NDUFS4: variants seen among roughly 807,000 people sequenced by gnomAD.
NDUFS4 encodes the protein NADH dehydrogenase [ubiquinone] iron-sulfur protein 4, mitochondrial.
A neutral mutation model predicts 24.3 loss-of-function variants in NDUFS4; 28 were observed. The observed-to-expected ratio is 1.15, with a 90% CI of 0.85 to 1.58. The LOEUF is 1.58. Among genes scored for constraint, NDUFS4 ranks in the 40% most tolerant of loss-of-function variants. The pLI is 0.00. For missense variants in NDUFS4, 223 were observed against 207.9 expected, an observed-to-expected ratio of 1.07 and a Z score of -0.45; for synonymous variants, 93 against 69.7, an observed-to-expected ratio of 1.34 and a Z score of -1.67.
chr5:53,649,453 A>G (rs752823662), intron 3 of NDUFS4, among the ~76,000 whole-genome samples: 3 of 152,130 alleles, frequency 2.0e-5, no homozygotes, highest in South Asian at 2.1e-4. Flanking sequence ...GAGAACATGC[A>G]GTCTTTGATT....
chr5:53,607,350 A>G (rs974006739), intron 2 of NDUFS4, among the ~76,000 whole-genome samples: 3 of 152,204 alleles, frequency 2.0e-5, no homozygotes, highest in Non-Finnish European at 4.4e-5. Context: ...AAATTCTAAC[A>G]TTGTGTACTA....
intron 1 of NDUFS4, among the ~76,000 whole-genome samples, chr5:53,572,869 C>A (rs1749256759): frequency 1.3e-5 from 2 of 151,774 alleles, no homozygotes; most frequent in Admixed American, 1.3e-4. Context: ...TGGTCTCGAA[C>A]TCCCGACCTC....
chr5:53,666,875 A>G (rs1296261763), intron 4 of NDUFS4, among the ~76,000 whole-genome samples: 1 of 152,148 alleles, frequency 6.6e-6, no homozygotes, highest in African/African-American at 2.4e-5. Flanking sequence ...TGGAGGTTGC[A>G]GTGAGCTGAG....
At chr5:53,628,379 G>T (rs1260056320) in intron 2 of NDUFS4, among the ~76,000 whole-genome samples, 1 of 152,142 alleles carries the variant, frequency 6.6e-6, no homozygotes, top group Non-Finnish European at 1.5e-5. Flanking sequence ...TTGGTATCAG[G>T]ATGATACTGG....
chr5:53,591,287 A>G (rs1439854425), intron 1 of NDUFS4, among the ~76,000 whole-genome samples: 1 of 152,166 alleles, frequency 6.6e-6, no homozygotes, highest in Non-Finnish European at 1.5e-5. Flanking sequence ...GTCTGAATAT[A>G]AATCCCAAAG....
intron 3 of NDUFS4, among the ~76,000 whole-genome samples, chr5:53,657,061 GATA>G (rs1249553901): frequency 6.6e-6 from 1 of 152,054 alleles, no homozygotes; most frequent in African/African-American, 2.4e-5. Flanking sequence ...ATAAAGTGAG[GATA>G]ATAATAAAGG....
intron 4 of NDUFS4, among the ~76,000 whole-genome samples, chr5:53,660,725 T>G (rs1454086838): frequency 2.0e-5 from 3 of 152,228 alleles, no homozygotes; most frequent in Non-Finnish European, 4.4e-5. Flanking sequence ...CATTGTGGTT[T>G]TAATTTGCAT....
At chr5:53,677,008 A>T (rs74678717) in intron 4 of NDUFS4, among the ~76,000 whole-genome samples, 1 of 152,280 alleles carries the variant, frequency 6.6e-6, no homozygotes, top group East Asian at 1.9e-4. Flanking sequence ...GAGACTCCCT[A>T]TGAGTAGCTT....
chr5:53,589,038 A>G (rs1373789804), intron 1 of NDUFS4, among the ~76,000 whole-genome samples: 1 of 152,138 alleles, frequency 6.6e-6, no homozygotes, highest in African/African-American at 2.4e-5. Flanking sequence ...GCATTAGAGC[A>G]GTTGTGAAGC....
chr5:53,575,150 A>G (rs1275163398), intron 1 of NDUFS4, among the ~76,000 whole-genome samples: 1 of 152,170 alleles, frequency 6.6e-6, no homozygotes, highest in Non-Finnish European at 1.5e-5. Flanking sequence ...TTGCTCCTTG[A>G]GGCCGAGTGC....
intron 4 of NDUFS4, among the ~76,000 whole-genome samples, chr5:53,676,070 T>A (rs150827683): frequency 6.6e-6 from 1 of 152,316 alleles, no homozygotes; most frequent in African/African-American, 2.4e-5. Context: ...ATTGAAGGAT[T>A]TTACTCATCT....
rs551048681 is a variant in NDUFS4, at chr5:53,638,007, G to A, written c.178-8226G>A. ...GGCCGTGGTTAAAAGTCTGATGAGC[G>A]TTCATTATTATAATGATGCAGTTGG... is the stretch of plus-strand genomic sequence containing the variant. On this transcript the variant is annotated intron_variant, in intron 2 of 4. Coordinates refer to ENST00000296684, the MANE Select transcript of NDUFS4 (RefSeq NM_002495.4). 2.6e-5 allele frequency among the ~76,000 whole-genome samples: 4 copies of A among 152,134 alleles called. No individual in the cohort carries two copies. In the South Asian group the frequency reaches 6.2e-4, roughly 24 times the overall value.
chr5:53,644,867 A>G (rs541555017), intron 2 of NDUFS4, among the ~76,000 whole-genome samples: 45 of 152,146 alleles, frequency 3.0e-4, no homozygotes, highest in Non-Finnish European at 5.4e-4. Flanking sequence ...ATTGGTTGCC[A>G]ACTAAAATAA....
At chr5:53,587,157 C>G (rs1749786773) in intron 1 of NDUFS4, among the ~76,000 whole-genome samples, 1 of 152,020 alleles carries the variant, frequency 6.6e-6, no homozygotes, top group Non-Finnish European at 1.5e-5. Context: ...TTCTAAGAGT[C>G]TCCTTCTCTA....
chr5:53,665,876 C>T (rs975326135), intron 4 of NDUFS4, among the ~76,000 whole-genome samples: 5 of 152,226 alleles, frequency 3.3e-5, no homozygotes, highest in Non-Finnish European at 5.9e-5. Context: ...GAACCCGGTA[C>T]CTCAGTTGGA....
chr5:53,628,374 A>G (rs1029897196), intron 2 of NDUFS4, among the ~76,000 whole-genome samples: 4 of 152,182 alleles, frequency 2.6e-5, no homozygotes, highest in Admixed American at 2.0e-4. Flanking sequence ...AGTTTTTGGT[A>G]TCAGGATGAT....
chr5:53,664,844 C>T (rs1339480749), intron 4 of NDUFS4, among the ~76,000 whole-genome samples: 1 of 152,244 alleles, frequency 6.6e-6, no homozygotes, highest in Non-Finnish European at 1.5e-5. Flanking sequence ...AGTCATTCTC[C>T]ATCCAGCTTT....
intron 2 of NDUFS4, among the ~76,000 whole-genome samples, chr5:53,605,982 C>A (rs1446178981): frequency 1.8e-4 from 27 of 148,856 alleles, no homozygotes; most frequent in African/African-American, 6.5e-4. Context: ...CCACTGCACT[C>A]CGGCCTGGGC....
intron 1 of NDUFS4, among the ~76,000 whole-genome samples, chr5:53,571,727 G>A (rs923381095): frequency 2.0e-5 from 3 of 152,152 alleles, no homozygotes; most frequent in African/African-American, 7.2e-5. Flanking sequence ...CTATCCTAGT[G>A]AGTATAAGGT....
Sources: gnomAD v4.1 joint callset for allele counts (sites outside exome capture counted in the v4.1 genomes callset) on GRCh38, gnomAD v4.1.1 for gene constraint, MANE v1.5 for transcripts, NCBI Gene and HGNC (gene_info 2026-07-23, HGNC 2026-07-21) for gene names.